ALOX15: variants seen among roughly 807,000 people sequenced by gnomAD.
ALOX15 encodes polyunsaturated fatty acid lipoxygenase ALOX15.
In ALOX15, 68 loss-of-function variants were observed where a neutral mutation model predicts 71.7. The ratio of observed to expected loss-of-function variants is 0.95; its 90% CI spans 0.78 to 1.16. The LOEUF is 1.16. Among genes scored for constraint, ALOX15 ranks in the 50% most tolerant of loss-of-function variants. ALOX15 has a pLI of 0.00. For missense variants in ALOX15, 798 were observed against 818.8 expected (o/e 0.97, Z 0.31); for synonymous variants, 346 against 333.3 (o/e 1.04, Z -0.42).
chr17:4,631,988 A>G lies in ALOX15; in HGVS notation c.1710T>C (p.Asp570=), dbSNP rs1180828224. ...TCGCCATCACTGTCTCCAGCGTTGCATCCTTGGTGGTTGGCGGGGGCAGCC... is the reference window on the plus strand; with the variant it reads ...TCGCCATCACTGTCTCCAGCGTTGCGTCCTTGGTGGTTGGCGGGGGCAGCC... ...TMRLPPPTTK[D]ATLETVMATL... Residue 570 remains aspartate (D), a synonymous_variant, in exon 13 of 14, where the codon GAT becomes GAC. Coordinates refer to ENST00000293761, the MANE Select transcript of ALOX15 (RefSeq NM_001140.5). The G allele has an allele frequency of 6.2e-7, 1 of 1,614,084 alleles. No individual in the cohort carries two copies. The highest frequency in any genetic ancestry group is 8.5e-7 in the Non-Finnish European group (1 of 1,180,020).
chr17:4,638,987 G>A lies in ALOX15; in HGVS notation c.420-15C>T, dbSNP rs768598711. The A allele has an allele frequency of 3.7e-6, 6 of 1,614,100 alleles. No homozygotes were observed. The highest frequency in any genetic ancestry group is 5.1e-6 in the Non-Finnish European group (6 of 1,180,048). ...AGTTTCCCCACCTGTGGGGCAGGAAGGAAATCAAGTATGGGTGCTGGAAGC... is the reference window on the plus strand; with the variant it reads ...AGTTTCCCCACCTGTGGGGCAGGAAAGAAATCAAGTATGGGTGCTGGAAGC... On this transcript the variant is annotated splice_polypyrimidine_tract_variant and intron_variant, in intron 3 of 13. Coordinates refer to ENST00000293761, the MANE Select transcript of ALOX15 (RefSeq NM_001140.5).
At position 4,633,448 on chromosome 17, in the gene ALOX15, G is replaced by T; in HGVS notation, c.1214C>A (p.Thr405Asn). Residue 405 changes from threonine to asparagine, a missense_variant, in exon 9 of 14, where the codon ACT becomes AAT. Physicochemically the swap from Thr to Asn is moderately conservative, Grantham distance 65. Transcript: ENST00000293761. ...AATTCCCATGTCAGAGACCAGCCCA[G>T]TCCTGGCCCGGACGTTAATTTCCAG... ...YTLEINVRAR[T>N]GLVSDMGIFD... The T allele has an allele frequency of 6.2e-7, 1 of 1,614,154 alleles. No individual in the cohort carries two copies. Among genetic ancestry groups the T allele is most frequent in the South Asian group, 1.1e-5 (1 of 91,086 alleles).
chr17:4,631,389 A>C lies in ALOX15; in HGVS notation c.*211T>G, dbSNP rs1280366777. 1 of 576,742 alleles carries C rather than the reference A, an allele frequency of 1.7e-6. No individual in the cohort carries two copies. Among genetic ancestry groups the C allele is most frequent in the East Asian group, 2.8e-5 (1 of 35,166 alleles). The allele number at this position is 576,742 out of a possible 1,614,324, so 35.7% of individuals were successfully genotyped here. A position where few individuals can be genotyped will look rare whatever the true frequency, so the allele number is the denominator to read the frequency against. ...AAGAGAGAGAGGAAGGAAGATAGGA[A>C]AGGAGGAAGGAAGGAAAGAGGAGTA... On this transcript the variant is annotated 3_prime_UTR_variant, in exon 14 of 14. Coordinates refer to ENST00000293761, the MANE Select transcript of ALOX15 (RefSeq NM_001140.5).
At chr17:4,635,465 C>G (rs1227440921) in intron 8 of ALOX15, among the ~76,000 whole-genome samples, 3 of 151,406 alleles carry the variant, frequency 2.0e-5, no homozygotes, top group Non-Finnish European at 4.4e-5. Flanking sequence ...TGGAAAAGAT[C>G]TTTTTAACGT....
Position 4,632,285 on chromosome 17 carries a change from C to T in ALOX15, c.1541-4G>A. 1 of 1,613,386 alleles carries T rather than the reference C, an allele frequency of 6.2e-7. No individual in the cohort carries two copies. Among genetic ancestry groups the T allele is most frequent in the African/African-American group, 1.3e-5 (1 of 75,036 alleles). ...GCCTGTAAAGAGACAGGAAACCCTG[C>T]AAGGGGTGAAGAGAGTTAGAAGCTG... On this transcript the variant is annotated splice_polypyrimidine_tract_variant and splice_region_variant and intron_variant, in intron 11 of 13. Transcript: ENST00000293761.
intron 1 of ALOX15, among the ~76,000 whole-genome samples, chr17:4,641,029 C>A (rs1911306122): frequency 6.6e-6 from 1 of 150,694 alleles, no homozygotes; most frequent in African/African-American, 2.4e-5. Context: ...GGTAGAACAC[C>A]CGGTAGATGT....
intron 7 of ALOX15, among the ~76,000 whole-genome samples, chr17:4,636,850 C>G (rs774872952): frequency 6.6e-6 from 1 of 152,036 alleles, no homozygotes; most frequent in Non-Finnish European, 1.5e-5. Context: ...CTCCAAAGCT[C>G]GTGACACCCC....
chr17:4,632,155 C>A (rs1247038801), intron 12 of ALOX15, 26 bp downstream of exon 12: 1 of 1,613,942 alleles, frequency 6.2e-7, no homozygotes, highest in Admixed American at 1.7e-5. Context: ...GCCCCAAATT[C>A]CCAGCTGCCC....
At position 4,638,604 on chromosome 17, in the gene ALOX15, C is replaced by T. The variant is rs755010739; in HGVS notation, c.623G>A (p.Trp208Ter). 8 of 1,614,100 alleles carry T rather than the reference C, an allele frequency of 5.0e-6. No homozygotes were observed. Among genetic ancestry groups the T allele is most frequent in the South Asian group, 1.1e-5 (1 of 91,074 alleles). ...KDLDDFNRIF[W>*]CGQSKLAERV... ...ACCAGCCAGCTTGCTCTGACCACAC[C>T]AGAAAATCCGGTTGAAGTCATCTAG... The change falls in exon 5 of 14, where the codon TGG becomes TAG. Residue 208 changes from tryptophan (W) to a stop codon, truncating the protein, a stop_gained. Transcript: ENST00000293761. LOFTEE classifies it high-confidence loss of function.
At chr17:4,639,274 T>C (rs1198894550) in intron 2 of ALOX15, 142 bp from the exon 3 acceptor site, 1 of 1,376,416 alleles carries the variant, frequency 7.3e-7, no homozygotes, top group Non-Finnish European at 1.0e-6. Flanking sequence ...TCCAGCCACT[T>C]TGTGCCAGCT....
intron 10 of ALOX15, 41 bp from the exon 11 acceptor site, chr17:4,633,023 T>C (rs2150534948): frequency 6.2e-7 from 1 of 1,613,896 alleles, no homozygotes; most frequent in Non-Finnish European, 8.5e-7. Flanking sequence ...TGAAGCCAGC[T>C]CTGCCCCTGC....
rs41382647 is a variant in ALOX15 at position 4,638,852 on chromosome 17, C to T, written c.540G>A (p.Lys180=). ...KRVDFEVSLA[K]GLADLAIKDS... ...ACCCAGCCTCCCCTTGCTCTCACCC[C>T]TTGGCCAGCGAAACCTCAAAGTCAA... is the stretch of plus-strand genomic sequence containing the variant. Residue 180 remains lysine (K), a splice_region_variant and synonymous_variant, in exon 4 of 14, where the codon AAG becomes AAA. Coordinates refer to ENST00000293761, the MANE Select transcript of ALOX15 (RefSeq NM_001140.5). The T allele has an allele frequency of 6.2e-7, 1 of 1,614,238 alleles. No individual in the cohort carries two copies. Among genetic ancestry groups the T allele is most frequent in the Admixed American group, 1.7e-5 (1 of 60,034 alleles).
rs766185456 is a variant in ALOX15, at chr17:4,637,351, C to T, written c.808-93G>A. ...AAGGGGGAAGAGAGTGGAGCTAACT[C>T]GTCTCCATCATCTACTTTATACCAG... On this transcript the variant is annotated intron_variant, in intron 6 of 13. Transcript: ENST00000293761. The T allele has an allele frequency of 2.9e-6, 4 of 1,402,494 alleles. No homozygotes were observed. The African/African-American group carries it at 5.7e-5, about 20-fold the overall frequency. 86.9% of individuals were successfully genotyped at this position (1,402,494 alleles called of 1,614,324 possible).
In ALOX15 at chr17:4,632,003, CG is replaced by C; in HGVS notation, c.1694del (p.Pro565ArgfsTer12). 6.2e-7 allele frequency: 1 copy of C among 1,613,680 alleles called. No homozygotes were observed. Among genetic ancestry groups the C allele is most frequent in the Non-Finnish European group, 8.5e-7 (1 of 1,179,910 alleles). ...CCAGCGTTGCATCCTTGGTGGTTGG[CG>C]GGGGCAGCCGCATCGTGCAGGGTGC... ...PNAPCTMRLPPPTTKDATLET... is the reference protein window; with the variant it reads ...PNAPCTMRLPXPTTKDATLET... On this transcript the variant is annotated frameshift_variant, in exon 13 of 14. Transcript: ENST00000293761. LOFTEE classifies it high-confidence loss of function.
At position 4,631,525 on chromosome 17, in the gene ALOX15, GCAGGGCTATAAC is replaced by G; in HGVS notation, c.*63_*74del. ...TGGGAAGAGGGTGGGACTTGGGAGG[GCAGGGCTATAAC>G]CACGAAGGGGTCAGCTTGTGGCTTG... On this transcript the variant is annotated 3_prime_UTR_variant, in exon 14 of 14. Transcript: ENST00000293761. The G allele has an allele frequency of 1.3e-6, 2 of 1,551,448 alleles. No individual in the cohort carries two copies. Among genetic ancestry groups the G allele is most frequent in the Non-Finnish European group, 8.7e-7 (1 of 1,146,530 alleles).
intron 8 of ALOX15, among the ~76,000 whole-genome samples, chr17:4,634,105 A>C (rs1039061232): frequency 6.6e-6 from 1 of 152,192 alleles, no homozygotes; most frequent in Non-Finnish European, 1.5e-5. Flanking sequence ...TGGTGACAAA[A>C]TAATCTGTAC....
Position 4,640,949 on chromosome 17 carries a change from G to A in ALOX15, c.135+568C>T, listed in dbSNP as rs563778973. Among the ~76,000 whole-genome samples, 7 of 151,718 alleles carry A rather than the reference G, an allele frequency of 4.6e-5. 1 individual carries two copies. In the South Asian group the frequency reaches 1.5e-3, roughly 32 times the overall value. ...CCTGAGACAGACATCCGGATTTGGG[G>A]ATCTGGGAGAGAGCTAGAGCAGTGA... On this transcript the variant is annotated intron_variant, in intron 1 of 13. Transcript: ENST00000293761.
intron 2 of ALOX15, 106 bp downstream of exon 2, chr17:4,639,324 C>T (rs1911233411): frequency 2.7e-6 from 4 of 1,475,138 alleles, no homozygotes; most frequent in South Asian, 2.4e-5. Context: ...GACCCCGGCG[C>T]TCCAGGTTCC....
Position 4,633,128 on chromosome 17 carries a change from C to T in ALOX15, c.1418+18G>A. ...CCACCCCCACTTGCACCCCCACTGG[C>T]CTTCCCGCTTGCCTCACCGATAGAT... On this transcript the variant is annotated intron_variant, in intron 10 of 13. Transcript: ENST00000293761. The T allele has an allele frequency of 6.2e-7, 1 of 1,611,716 alleles. No individual in the cohort carries two copies. The highest frequency in any genetic ancestry group is 1.1e-5 in the South Asian group (1 of 90,756).
Sources: gnomAD v4.1 joint callset for allele counts (sites outside exome capture counted in the v4.1 genomes callset) on GRCh38, gnomAD v4.1.1 for gene constraint, MANE v1.5 for transcripts, NCBI Gene and HGNC (gene_info 2026-07-23, HGNC 2026-07-21) for gene names.